KCNG2: variants seen among roughly 807,000 people sequenced by gnomAD.
The protein encoded by KCNG2 is voltage-gated potassium channel regulatory subunit KCNG2.
A neutral mutation model predicts 12.3 loss-of-function variants in KCNG2; 7 were observed. The ratio of observed to expected loss-of-function variants is 0.57; its 90% CI spans 0.32 to 1.07. KCNG2 has a LOEUF of 1.07. KCNG2 is among the 50% of genes least tolerant of loss of function. The probability of loss-of-function intolerance (pLI) is 0.04; values close to 1 mark genes in which losing one functional copy is unlikely to be tolerated. For synonymous variants in KCNG2, 414 were observed against 351.4 expected (o/e 1.18, Z -1.99); for missense variants, 703 against 726.0 (o/e 0.97, Z 0.36).
intron 3 of KCNG2, among the ~76,000 whole-genome samples, chr18:79,872,574 G>A (rs532631991): frequency 5.9e-5 from 9 of 152,224 alleles, no homozygotes; most frequent in East Asian, 3.9e-4. Flanking sequence ...CGGAGGCACC[G>A]CGCCCGGCCA....
In KCNG2 at chr18:79,899,678, C is replaced by T. The variant is rs761985274; in HGVS notation, c.1263C>T (p.Arg421=). The T allele has an allele frequency of 7.5e-6, 12 of 1,607,960 alleles. No individual in the cohort carries two copies. Among genetic ancestry groups the T allele is most frequent in the South Asian group, 3.3e-5 (3 of 90,012 alleles). ...SYSELKEQQQ[R]AASPEPALQE... ...CCGAGCTCAAGGAGCAGCAGCAGCG[C>T]GCGGCCAGCCCCGAGCCGGCCCTGC... Residue 421 remains arginine, a synonymous_variant, in exon 4 of 4, where the codon CGC becomes CGT. Coordinates refer to ENST00000316249, the MANE Select transcript of KCNG2 (RefSeq NM_012283.2).
intron 1 of KCNG2, among the ~76,000 whole-genome samples, chr18:79,827,772 T>C (rs1377395403): frequency 6.6e-6 from 1 of 152,218 alleles, no homozygotes; most frequent in Non-Finnish European, 1.5e-5. Flanking sequence ...TCTCTCCATG[T>C]GGCTCCATAG....
At chr18:79,810,751 G>T (rs2087488398) in intron 1 of KCNG2, among the ~76,000 whole-genome samples, 1 of 152,148 alleles carries the variant, frequency 6.6e-6, no homozygotes, top group Non-Finnish European at 1.5e-5. Flanking sequence ...GTGACAGAGT[G>T]AGATGCTGTA....
intron 1 of KCNG2, among the ~76,000 whole-genome samples, chr18:79,824,492 C>G (rs2087597179): frequency 6.6e-6 from 1 of 152,198 alleles, no homozygotes; most frequent in Non-Finnish European, 1.5e-5. Context: ...CTGCTCTATG[C>G]TTCTGATTGA....
intron 3 of KCNG2, among the ~76,000 whole-genome samples, chr18:79,885,633 C>G (rs1183108223): frequency 6.6e-6 from 1 of 152,244 alleles, no homozygotes; most frequent in Non-Finnish European, 1.5e-5. Flanking sequence ...AAGGCAGCAT[C>G]CACCAGTGGT....
At chr18:79,867,454 G>A (rs1385862220) in intron 3 of KCNG2, among the ~76,000 whole-genome samples, 2 of 12,710 alleles carry the variant, frequency 1.6e-4, no homozygotes, top group African/African-American at 2.4e-4. Flanking sequence ...GTCGTGTCTT[G>A]GGGGGGGGAC....
Position 79,884,440 on chromosome 18 carries a change from G to A in KCNG2, c.625-14600G>A, listed in dbSNP as rs985414425. 6.6e-6 allele frequency among the ~76,000 whole-genome samples: 1 copy of A among 152,210 alleles called. No homozygotes were observed. The highest frequency in any genetic ancestry group is 2.4e-5 in the African/African-American group (1 of 41,454). On this transcript the variant is annotated intron_variant, in intron 3 of 3. Coordinates refer to ENST00000316249, the MANE Select transcript of KCNG2 (RefSeq NM_012283.2). This position sits in a 1 kb window ranked among gnomAD's most constrained non-coding sequence, Gnocchi z 5.5. ...CTCAACCCCGGCCTGGCAGGGACTG[G>A]CTGGTTCCCTTCCTTGGTTCCCCCA...
At chr18:79,844,425 G>A (rs1313107117) in intron 1 of KCNG2, among the ~76,000 whole-genome samples, 7 of 152,038 alleles carry the variant, frequency 4.6e-5, no homozygotes, top group Non-Finnish European at 1.0e-4. Flanking sequence ...TTGATCAAAG[G>A]GTACAAAGTT....
chr18:79,899,469 G>C lies in KCNG2; in HGVS notation c.1054G>C (p.Asp352His), dbSNP rs769203327. 1 of 1,605,840 alleles carries C rather than the reference G, an allele frequency of 6.2e-7. No individual in the cohort carries two copies. Among genetic ancestry groups the C allele is most frequent in the African/African-American group, 1.3e-5 (1 of 74,114 alleles). The change falls in exon 4 of 4, where the codon GAC (aspartate) becomes CAC (histidine). Residue 352 changes from aspartate (D) to histidine (H), a missense_variant. Physicochemically the swap from Asp to His is moderately conservative, Grantham distance 81. Transcript: ENST00000316249. ...CGAGCGCGAGCTGGGCGCGCGCCGC[G>C]ACTTCTCCAGCGTGCCCGCCAGCTA... ...LAERELGARR[D>H]FSSVPASYWW... is the part of the protein sequence containing the mutation.
In KCNG2 at chr18:79,883,161, GAC is replaced by G. The variant is rs1443306558; in HGVS notation, c.625-15878_625-15877del. On this transcript the variant is annotated intron_variant, in intron 3 of 3. Coordinates refer to ENST00000316249, the MANE Select transcript of KCNG2 (RefSeq NM_012283.2). ...CAGCACGAATGGGCTCGCAGGGCCT[GAC>G]GCGGGAGAGGCCAGGCCAGGAAGCC... Among the ~76,000 whole-genome samples, 92 of 152,168 alleles carry G rather than the reference GAC, an allele frequency of 6.0e-4. 1 individual carries two copies. The highest frequency in any genetic ancestry group is 6.0e-3 in the Admixed American group (92 of 15,284).
At chr18:79,846,301 A>G (rs1171299203) in intron 1 of KCNG2, among the ~76,000 whole-genome samples, 1 of 126,834 alleles carries the variant, frequency 7.9e-6, no homozygotes, top group Non-Finnish European at 1.6e-5. Context: ...TGAACTTGGG[A>G]GGTGGAGCTT....
chr18:79,872,280 G>GTTTTTTTTTTTTTT lies in KCNG2; in HGVS notation c.624+7999_624+8012dup, dbSNP rs1162742507. ...CTGATATAAAAGCTTCAAAGCTTCA[G>GTTTTTTTTTTTTTT]TTTTTTTTTTTTTTTTTTTTTTTGA... On this transcript the variant is annotated intron_variant, in intron 3 of 3. Transcript: ENST00000316249. Among the ~76,000 whole-genome samples the GTTTTTTTTTTTTTT allele has an allele frequency of 1.8e-3, 134 of 73,408 alleles. 12 individuals are homozygous for GTTTTTTTTTTTTTT. The highest frequency in any genetic ancestry group is 4.9e-3 in the African/African-American group (94 of 19,068). The allele number at this position is 73,408 out of a possible 152,430, so 48.2% of individuals were successfully genotyped here.
At chr18:79,873,454 T>G (rs1979942127) in intron 3 of KCNG2, among the ~76,000 whole-genome samples, 1 of 122,428 alleles carries the variant, frequency 8.2e-6, no homozygotes, top group Non-Finnish European at 1.7e-5. Flanking sequence ...CTCCTGTCAG[T>G]CTTCCCAGAT....
At chr18:79,894,512 C>G (rs1980883026) in intron 3 of KCNG2, among the ~76,000 whole-genome samples, 1 of 151,730 alleles carries the variant, frequency 6.6e-6, no homozygotes, top group African/African-American at 2.4e-5. Flanking sequence ...GGGTCTGTGT[C>G]TGCTTTTGAT....
At chr18:79,872,275 C>A (rs1435694534) in intron 3 of KCNG2, among the ~76,000 whole-genome samples, 1 of 74,866 alleles carries the variant, frequency 1.3e-5, no homozygotes, top group East Asian at 5.4e-4. Flanking sequence ...AGCTTCAAAG[C>A]TTCAGTTTTT....
chr18:79,877,584 C>T (rs571264883), intron 3 of KCNG2, among the ~76,000 whole-genome samples: 15 of 152,214 alleles, frequency 9.9e-5, no homozygotes, highest in African/African-American at 3.4e-4. Context: ...CCGCCCCCCC[C>T]GAGAGTCACG....
intron 1 of KCNG2, among the ~76,000 whole-genome samples, chr18:79,816,767 C>A (rs516890): frequency 1.1e-4 from 16 of 152,068 alleles, no homozygotes; most frequent in Non-Finnish European, 1.6e-4. Flanking sequence ...AGTGACACCA[C>A]GGTGCAGTGT....
chr18:79,873,773 C>T (rs113305322), intron 3 of KCNG2, among the ~76,000 whole-genome samples: 9 of 152,326 alleles, frequency 5.9e-5, no homozygotes, highest in African/African-American at 1.2e-4. Flanking sequence ...CAACAGTGTC[C>T]GCCTAGCTGC....
intron 1 of KCNG2, among the ~76,000 whole-genome samples, chr18:79,856,126 G>A (rs759203131): frequency 1.9e-4 from 29 of 152,178 alleles, no homozygotes; most frequent in Non-Finnish European, 1.5e-5. Context: ...GTTCTGGGAG[G>A]AAGAAAGCCT....
Sources: allele counts gnomAD v4.1 joint callset (sites outside exome capture counted in the v4.1 genomes callset), GRCh38; gene constraint gnomAD v4.1.1; non-coding constraint Gnocchi (gnomAD v3.1); transcripts MANE v1.5; gene names NCBI Gene and HGNC (gene_info 2026-07-23, HGNC 2026-07-21).